SORCS2: variants seen among roughly 807,000 people sequenced by gnomAD.
The protein encoded by SORCS2 is VPS10 domain-containing receptor SorCS2.
SORCS2 carries 100 observed loss-of-function variants against 141.6 expected under a neutral mutation model. The ratio of observed to expected loss-of-function variants is 0.71; its 90% CI spans 0.60 to 0.83. SORCS2 has a LOEUF of 0.83. SORCS2 is among the 40% of genes least tolerant of loss of function. The pLI, the probability that SORCS2 is intolerant of heterozygous loss-of-function variation, is 0.00. For missense variants in SORCS2, 1,646 were observed against 1,560.2 expected (o/e 1.05, Z -0.93); for synonymous variants, 789 against 676.9 (o/e 1.17, Z -2.57).
intron 1 of SORCS2, among the ~76,000 whole-genome samples, chr4:7,213,600 G>A (rs1480284096): frequency 6.6e-6 from 1 of 152,218 alleles, no homozygotes; most frequent in Non-Finnish European, 1.5e-5. Flanking sequence ...GAACCACTGT[G>A]TTAACTCAGG....
Position 7,721,749 on chromosome 4 carries a change from T to C in SORCS2, c.2425-1948T>C, listed in dbSNP as rs979242072. Among the ~76,000 whole-genome samples, 13 of 152,242 alleles carry C rather than the reference T, an allele frequency of 8.5e-5. 1 individual carries two copies. Among genetic ancestry groups the C allele is most frequent in the Non-Finnish European group, 1.8e-4 (12 of 68,052 alleles). ...GCTGAATTGTCCTGTCTCTTTCCTG[T>C]ATCAGTGTTAACCTCCTAGTCGTGA... On this transcript the variant is annotated intron_variant, in intron 18 of 26. Transcript: ENST00000507866.
At chr4:7,254,925 C>A (rs1460321466) in intron 1 of SORCS2, among the ~76,000 whole-genome samples, 2 of 151,988 alleles carry the variant, frequency 1.3e-5, no homozygotes, top group Admixed American at 6.6e-5. Context: ...CCATGAGGTC[C>A]CAGGGCATCC....
intron 3 of SORCS2, among the ~76,000 whole-genome samples, chr4:7,533,847 A>G (rs16840471): frequency 0.11 from 16,045 of 152,212 alleles, 1,022 homozygotes; most frequent in African/African-American, 0.18. Context: ...GGAAGGGCCC[A>G]TGAGATGATA....
chr4:7,630,217 G>C (rs566549534), intron 3 of SORCS2, among the ~76,000 whole-genome samples: 1 of 152,134 alleles, frequency 6.6e-6, no homozygotes, highest in African/African-American at 2.4e-5. Context: ...CTCAGGATGC[G>C]TGGGAGCCAT....
intron 3 of SORCS2, among the ~76,000 whole-genome samples, chr4:7,589,691 G>A (rs1243904229): frequency 2.0e-5 from 3 of 152,276 alleles, no homozygotes; most frequent in East Asian, 1.9e-4. Context: ...GTGAGCCACC[G>A]CACTTGGCCA....
rs115102748 is a variant in SORCS2 at position 7,690,519 on chromosome 4, A to G, written c.1591+931A>G. ...GGATAGATGCTGAATGGATGGATGG[A>G]TAGATGAATGGATGGATGATGCATG... is the stretch of plus-strand genomic sequence containing the variant. On this transcript the variant is annotated intron_variant, in intron 11 of 26. Coordinates refer to ENST00000507866, the MANE Select transcript of SORCS2 (RefSeq NM_020777.3). Among the ~76,000 whole-genome samples, 343 of 151,600 alleles carry G rather than the reference A, an allele frequency of 2.3e-3. 4 individuals are homozygous for G. Among genetic ancestry groups the G allele is most frequent in the African/African-American group, 7.6e-3 (314 of 41,302 alleles).
At chr4:7,541,207 G>A (rs758877342) in intron 3 of SORCS2, among the ~76,000 whole-genome samples, 1 of 152,196 alleles carries the variant, frequency 6.6e-6, no homozygotes, top group African/African-American at 2.4e-5. Context: ...GCTGCCATGC[G>A]TGCACCTGTG....
chr4:7,337,401 A>G (rs989072250), intron 1 of SORCS2, among the ~76,000 whole-genome samples: 16 of 152,156 alleles, frequency 1.1e-4, no homozygotes, highest in African/African-American at 3.9e-4. Context: ...AGGTGCCCGC[A>G]CTGGATCAGG....
chr4:7,423,611 A>G (rs547479200), intron 2 of SORCS2, among the ~76,000 whole-genome samples: 15 of 152,292 alleles, frequency 9.8e-5, no homozygotes, highest in African/African-American at 2.9e-4. Context: ...CCTGTCTGAG[A>G]TGCTGGCTTG....
rs894389222 is a variant in SORCS2, at chr4:7,733,296, A to T, written c.3109-26A>T. 6 of 1,505,658 alleles carry T rather than the reference A, an allele frequency of 4.0e-6. No homozygotes were observed. In the African/African-American group the frequency reaches 7.0e-5, roughly 18 times the overall value. The allele number at this position is 1,505,658 out of a possible 1,614,324, so 93.3% of individuals were successfully genotyped here. A position where few individuals can be genotyped will look rare whatever the true frequency, so the allele number is the denominator to read the frequency against. On this transcript the variant is annotated intron_variant, in intron 23 of 26. Transcript: ENST00000507866. ...GCAGAGGAGCCTCCATGGAGGCCTCACTCACTGTCCCCTCTGTGCTTGCAG... is the reference window on the plus strand; with the variant it reads ...GCAGAGGAGCCTCCATGGAGGCCTCTCTCACTGTCCCCTCTGTGCTTGCAG...
chr4:7,417,438 G>C (rs991259811), intron 2 of SORCS2, among the ~76,000 whole-genome samples: 1 of 152,176 alleles, frequency 6.6e-6, no homozygotes, highest in African/African-American at 2.4e-5. Context: ...ATTATGCTAC[G>C]GATGGTAGCT....
chr4:7,374,105 G>A (rs1356741029), intron 1 of SORCS2, among the ~76,000 whole-genome samples: 1 of 149,414 alleles, frequency 6.7e-6, no homozygotes, highest in Non-Finnish European at 1.5e-5. Context: ...GGTTAGGATT[G>A]AGATTCTTTC....
intron 2 of SORCS2, among the ~76,000 whole-genome samples, chr4:7,460,529 G>A (rs1008553630): frequency 4.6e-5 from 7 of 152,204 alleles, no homozygotes; most frequent in Admixed American, 1.3e-4. Context: ...GTCTAGAGCC[G>A]CTCCAAGGCC....
chr4:7,344,105 A>C (rs1007180629), intron 1 of SORCS2, among the ~76,000 whole-genome samples: 2 of 152,144 alleles, frequency 1.3e-5, no homozygotes, highest in African/African-American at 4.8e-5. Context: ...TGGACGTGGA[A>C]CCTGACACCC....
At chr4:7,282,212 G>T (rs1021766711) in intron 1 of SORCS2, among the ~76,000 whole-genome samples, 1 of 152,188 alleles carries the variant, frequency 6.6e-6, no homozygotes. Flanking sequence ...TGCTGTTACC[G>T]TCTCTCTGGC....
intron 6 of SORCS2, among the ~76,000 whole-genome samples, chr4:7,661,815 T>A (rs935222870): frequency 6.6e-6 from 1 of 152,278 alleles, no homozygotes; most frequent in East Asian, 1.9e-4. Flanking sequence ...GCATTGAGTG[T>A]TTCCCACTCA....
chr4:7,669,198 C>T (rs566079073), intron 8 of SORCS2, among the ~76,000 whole-genome samples: 1 of 152,226 alleles, frequency 6.6e-6, no homozygotes, highest in Non-Finnish European at 1.5e-5. Context: ...GAGACTCTCA[C>T]AGCAGTGACA....
intron 1 of SORCS2, among the ~76,000 whole-genome samples, chr4:7,348,950 G>A (rs11734491): frequency 0.2 from 29,754 of 152,154 alleles, 3,050 homozygotes; most frequent in Non-Finnish European, 0.23. Flanking sequence ...CACATTTGGA[G>A]CATGATAGCA....
rs189914340 is a variant in SORCS2, at chr4:7,210,428, C to T, written c.480+17302C>T. Among the ~76,000 whole-genome samples, 245 of 152,360 alleles carry T rather than the reference C, an allele frequency of 1.6e-3. 1 individual carries two copies. Among genetic ancestry groups the T allele is most frequent in the Non-Finnish European group, 2.4e-3 (163 of 68,046 alleles). On this transcript the variant is annotated intron_variant, in intron 1 of 26. Transcript: ENST00000507866. Reference sequence around the variant, plus strand: ...TTCCGAGTAACTAGGACTATAGGCACGCGCTACCATGCCTGGCTAATTTTA... The same window carrying T: ...TTCCGAGTAACTAGGACTATAGGCATGCGCTACCATGCCTGGCTAATTTTA...
Sources: allele counts gnomAD v4.1 joint callset (sites outside exome capture counted in the v4.1 genomes callset), GRCh38; gene constraint gnomAD v4.1.1; transcripts MANE v1.5; gene names NCBI Gene and HGNC (gene_info 2026-07-23, HGNC 2026-07-21).